Variants in MST1 observed in about 807,000 individuals in gnomAD.
MST1 encodes hepatocyte growth factor-like protein.
MST1 carries 76 observed loss-of-function variants against 100.1 expected under a neutral mutation model. The observed-to-expected ratio is 0.76, with a 90% confidence interval of 0.63 to 0.92. MST1 has a LOEUF of 0.92. Ranked by LOEUF, MST1 falls within the 40% of genes least tolerant of loss-of-function variation. The pLI is 0.00. For synonymous variants in MST1, 352 were observed against 385.4 expected (o/e 0.91, Z 1.01); for missense variants, 850 against 990.0 (o/e 0.86, Z 1.90).
chr3:49,684,300 G>A lies in MST1; in HGVS notation c.2016+14C>T, dbSNP rs1227333516. On this transcript the variant is annotated intron_variant, in intron 17 of 17. Transcript: ENST00000449682. ...CATACCCTTCCAGGGCTGGCCCAGG[G>A]CCCTGCCACCAACCTCACAGGCCCC... 1 of 1,612,772 alleles carries A rather than the reference G, an allele frequency of 6.2e-7. No homozygotes were observed. The highest frequency in any genetic ancestry group is 1.7e-5 in the Admixed American group (1 of 60,018).
In MST1 at chr3:49,687,286, C is replaced by G; in HGVS notation, c.471-1G>C. On this transcript the variant is annotated splice_acceptor_variant, in intron 4 of 17. Coordinates refer to ENST00000449682, the MANE Select transcript of MST1 (RefSeq NM_020998.4). LOFTEE classifies it high-confidence loss of function. ...GCCATTCCGGAGAGTGGGCGTGTAC[C>G]TGAGGGCCCAGAGCATCACTATAGT... The G allele has an allele frequency of 6.2e-7, 1 of 1,613,518 alleles. No individual in the cohort carries two copies. The highest frequency in any genetic ancestry group is 8.5e-7 in the Non-Finnish European group (1 of 1,179,872).
At position 49,687,237 on chromosome 3, in the gene MST1, G is replaced by C; in HGVS notation, c.519C>G (p.Asn173Lys). The C allele has an allele frequency of 6.2e-7, 1 of 1,613,520 alleles. No individual in the cohort carries two copies. The highest frequency in any genetic ancestry group is 8.5e-7 in the Non-Finnish European group (1 of 1,179,878). Reference sequence around the variant, plus strand: ...AAGGACCTCCGGGGTCGCCATCAGGGTTACGGCAGAAGTTCTCTTCCAGGC... The same window carrying C: ...AAGGACCTCCGGGGTCGCCATCAGGCTTACGGCAGAAGTTCTCTTCCAGGC... ...RNGLEENFCR[N>K]PDGDPGGPWC... Residue 173 changes from asparagine to lysine, a missense_variant, in exon 5 of 18, where the codon AAC (asparagine) becomes AAG (lysine). Coordinates refer to ENST00000449682, the MANE Select transcript of MST1 (RefSeq NM_020998.4).
At position 49,684,366 on chromosome 3, in the gene MST1, C is replaced by T. The variant is rs749446082; in HGVS notation, c.1964G>A (p.Arg655Gln). The T allele has an allele frequency of 2.1e-5, 34 of 1,613,178 alleles. No individual in the cohort carries two copies. The highest frequency in any genetic ancestry group is 1.6e-4 in the Middle Eastern group (1 of 6,078). The change falls in exon 17 of 18, where the codon CGG (arginine) becomes CAG (glutamine). Residue 655 changes from arginine (R) to glutamine (Q), a missense_variant. Physicochemically the swap from Arg to Gln is conservative, Grantham distance 43. Transcript: ENST00000449682. The stretch of plus-strand genomic sequence containing the variant: ...TCCCTCAGTGCACATCTCACTCTCC[C>T]GCACACGTCCTCGGTGCTTGATGTT... ...ECNIKHRGRV[R>Q]ESEMCTEGLL... is the part of the protein sequence containing the mutation.
rs748026060 is a variant in MST1, at chr3:49,688,708, C to A, written c.-17G>T. 2.1e-5 allele frequency: 33 copies of A among 1,581,844 alleles called. No homozygotes were observed. The East Asian group carries it at 7.3e-4, about 35-fold the overall frequency. ...CAGCCCCATCCGGGAAGTTGTGAAA[C>A]CTGTCCCTACGGGATTGGGTGGCTC... On this transcript the variant is annotated 5_prime_UTR_variant, in exon 1 of 18. Coordinates refer to ENST00000449682, the MANE Select transcript of MST1 (RefSeq NM_020998.4).
chr3:49,687,256 TC>T lies in MST1; in HGVS notation c.499del (p.Glu167LysfsTer51). The T allele has an allele frequency of 6.2e-7, 1 of 1,613,510 alleles. No homozygotes were observed. The highest frequency in any genetic ancestry group is 2.2e-5 in the East Asian group (1 of 44,884). On this transcript the variant is annotated frameshift_variant, in exon 5 of 18. Transcript: ENST00000449682. LOFTEE classifies it high-confidence loss of function. ...KYTPTLRNGL[E>X]ENFCRNPDGD... ...ATCAGGGTTACGGCAGAAGTTCTCT[TC>T]CAGGCCATTCCGGAGAGTGGGCGTG...
rs1225705497 is a variant in MST1 at position 49,689,455 on chromosome 3, G to C, written c.-764C>G. ...ACAACCCGGTGGGAAGCCATGGAGG[G>C]GGTCCCCTAGCGGAGGCTGGGCGCG... On this transcript the variant is annotated 5_prime_UTR_variant, in exon 1 of 18. Transcript: ENST00000449682. 6.6e-6 allele frequency: 1 copy of C among 152,418 alleles called. No homozygotes were observed. The highest frequency in any genetic ancestry group is 1.5e-5 in the Non-Finnish European group (1 of 68,196). The allele number at this position is 152,418 out of a possible 1,614,324, so 9.4% of individuals were successfully genotyped here.
intron 1 of MST1, 169 bp downstream of exon 1, chr3:49,688,429 G>A: frequency 1.6e-6 from 1 of 613,752 alleles, no homozygotes. Context: ...GGCCTAAGTG[G>A]GCAATGTCTA....
At chr3:49,684,225 A>G in intron 17 of MST1, 36 bp from the exon 18 acceptor site, 1 of 1,609,576 alleles carries the variant, frequency 6.2e-7, no homozygotes, top group Non-Finnish European at 8.5e-7. Flanking sequence ...GCCCCGGGCC[A>G]CAGCAATGAC....
chr3:49,684,936 A>G (rs1418685039), intron 14 of MST1, 52 bp from the exon 15 acceptor site: 2 of 1,613,586 alleles, frequency 1.2e-6, no homozygotes, highest in Non-Finnish European at 1.7e-6. Context: ...CATTGCCCCA[A>G]GGCTCACTTG....
chr3:49,686,297 C>CCCA lies in MST1; in HGVS notation c.1016+15_1016+16insTGG. The CCCA allele has an allele frequency of 7.5e-7, 1 of 1,339,562 alleles. No individual in the cohort carries two copies. Among genetic ancestry groups the CCCA allele is most frequent in the Non-Finnish European group, 1.0e-6 (1 of 988,170 alleles). The allele number at this position is 1,339,562 out of a possible 1,614,324, so 83.0% of individuals were successfully genotyped here. ...CAGCAGCACGTCCCAACGCCCGCCC[C>CCCA]CCCCCCCCACCTCACTTGCACGCGT... On this transcript the variant is annotated intron_variant, in intron 8 of 17. Coordinates refer to ENST00000449682, the MANE Select transcript of MST1 (RefSeq NM_020998.4).
At chr3:49,685,423 G>A (rs2053634074) in intron 12 of MST1, 41 bp from the exon 13 acceptor site, 1 of 1,613,612 alleles carries the variant, frequency 6.2e-7, no homozygotes, top group Non-Finnish European at 8.5e-7. Context: ...AGACTGTGTG[G>A]ATGTCGTGGG....
In MST1 at chr3:49,687,409, C is replaced by G; in HGVS notation, c.425G>C (p.Gly142Ala). The part of the protein sequence containing the change: ...YRGTMATTVG[G>A]LPCQAWSHKF... ...GTGGCTCCAAGCCTGGCAGGGCAGG[C>G]CACCCACGGTCGTGGCCATGGTGCC... The change falls in exon 4 of 18, where the codon GGC becomes GCC. Residue 142 changes from glycine (G) to alanine (A), a missense_variant. This residue lies in a region of MST1 where 816 missense variants were observed against 924.6 expected (regional missense o/e 0.88). Coordinates refer to ENST00000449682, the MANE Select transcript of MST1 (RefSeq NM_020998.4). The G allele has an allele frequency of 2.5e-6, 4 of 1,613,404 alleles. No homozygotes were observed. In the South Asian group the frequency reaches 4.4e-5, roughly 18 times the overall value.
In MST1 at chr3:49,687,231, A is replaced by C. The variant is rs1371603939; in HGVS notation, c.525T>G (p.Asp175Glu). 4 of 1,613,512 alleles carry C rather than the reference A, an allele frequency of 2.5e-6. No individual in the cohort carries two copies. The highest frequency in any genetic ancestry group is 1.1e-5 in the South Asian group (1 of 91,076). Reference protein sequence around the residue: ...GLEENFCRNPDGDPGGPWCYT... With the variant: ...GLEENFCRNPEGDPGGPWCYT... ...AGCACCAAGGACCTCCGGGGTCGCC[A>C]TCAGGGTTACGGCAGAAGTTCTCTT... is the stretch of plus-strand genomic sequence containing the variant. Residue 175 changes from aspartate (D) to glutamate (E), a missense_variant, in exon 5 of 18, where the codon GAT (aspartate) becomes GAG (glutamate). Coordinates refer to ENST00000449682, the MANE Select transcript of MST1 (RefSeq NM_020998.4).
rs1467046759 is a variant in MST1 at position 49,686,479 on chromosome 3, A to G, written c.850T>C (p.Ser284Pro). 7 of 1,611,804 alleles carry G rather than the reference A, an allele frequency of 4.3e-6. No individual in the cohort carries two copies. The highest frequency in any genetic ancestry group is 1.7e-5 in the Admixed American group (1 of 59,976). The change falls in exon 8 of 18, where the codon TCC (serine) becomes CCC (proline). Residue 284 changes from serine (S) to proline (P), a missense_variant and splice_region_variant. Transcript: ENST00000449682. ...REFCDLPRCGSEAQPRQEATT... is the reference protein window; with the variant it reads ...REFCDLPRCGPEAQPRQEATT... ...GCCTCTTGGCGGGGCTGTGCCTCGG[A>G]CCCTTAGATGGACCGAGATAGGTCG...
Position 49,684,616 on chromosome 3 carries a change from G to A in MST1, c.1810C>T (p.Pro604Ser). 1.2e-6 allele frequency: 2 copies of A among 1,613,792 alleles called. No individual in the cohort carries two copies. The highest frequency in any genetic ancestry group is 2.7e-5 in the African/African-American group (2 of 75,054). ...LNQRVALICL[P>S]PEWYVVPPGT... is the part of the protein sequence containing the mutation. Reference sequence around the variant, plus strand: ...GGAGGCACCACATACCATTCAGGGGGCAGGCAGATCAGGGCCACACGCTGG... The same window carrying A: ...GGAGGCACCACATACCATTCAGGGGACAGGCAGATCAGGGCCACACGCTGG... The change falls in exon 16 of 18, where the codon CCC becomes TCC. Residue 604 changes from proline (P) to serine (S), a missense_variant. Transcript: ENST00000449682.
Position 49,687,351 on chromosome 3 carries a change from G to T in MST1, c.470+13C>A. 2 of 1,613,502 alleles carry T rather than the reference G, an allele frequency of 1.2e-6. No homozygotes were observed. The highest frequency in any genetic ancestry group is 2.2e-5 in the South Asian group (2 of 91,078). On this transcript the variant is annotated intron_variant, in intron 4 of 17. Coordinates refer to ENST00000449682, the MANE Select transcript of MST1 (RefSeq NM_020998.4). The stretch of plus-strand genomic sequence containing the variant: ...GGCCCCAGGCCGGGACGGAGGGAAG[G>T]TGTTTGTCTCACTTGTGATCATTTG...
Position 49,686,381 on chromosome 3 carries a change from T to C in MST1, c.948A>G (p.Val316=), listed in dbSNP as rs768878247. The C allele has an allele frequency of 9.4e-6, 15 of 1,602,340 alleles. No homozygotes were observed. The highest frequency in any genetic ancestry group is 1.3e-5 in the Non-Finnish European group (15 of 1,176,926). ...RGTANTTTAG[V]PCQRWDAQIP... ...TTTGCGCGTCCCAACGCTGGCAAGG[T>C]ACGCCCGCAGTGGTGGTATTGGCTG... is the stretch of plus-strand genomic sequence containing the variant. Residue 316 remains valine (V), a synonymous_variant, in exon 8 of 18, where the codon GTA becomes GTG. Coordinates refer to ENST00000449682, the MANE Select transcript of MST1 (RefSeq NM_020998.4).
At position 49,686,091 on chromosome 3, in the gene MST1, C is replaced by T. The variant is rs1575497175; in HGVS notation, c.1118G>A (p.Arg373Gln). 1 of 1,610,842 alleles carries T rather than the reference C, an allele frequency of 6.2e-7. No individual in the cohort carries two copies. The highest frequency in any genetic ancestry group is 1.1e-5 in the South Asian group (1 of 90,892). Residue 373 changes from arginine (R) to glutamine (Q), a missense_variant, in exon 9 of 18, where the codon CGG becomes CAG. Physicochemically the swap from Arg to Gln is conservative, Grantham distance 43 (BLOSUM62 1). Around this residue, in one of 2 missense-constraint regions of MST1, gnomAD observed 816 missense variants for 924.6 expected, o/e 0.88. Coordinates refer to ENST00000449682, the MANE Select transcript of MST1 (RefSeq NM_020998.4). ...GMRAAFCYQI[R>Q]RCTDDVRPQD... is the part of the protein sequence containing the mutation. ...GGGCCGCACGTCGTCTGTACAACGCCGGATCTGGTAGCAAAAGGCCGCGCG... is the reference window on the plus strand; with the variant it reads ...GGGCCGCACGTCGTCTGTACAACGCTGGATCTGGTAGCAAAAGGCCGCGCG...
At chr3:49,684,515 C>T (rs753044974) in intron 16 of MST1, 35 bp downstream of exon 16, 1 of 1,613,590 alleles carries the variant, frequency 6.2e-7, no homozygotes, top group Non-Finnish European at 8.5e-7. Context: ...GCTGGGCCTC[C>T]TGGCCACCAG....
Sources: allele counts gnomAD v4.1 joint callset, GRCh38; gene constraint gnomAD v4.1.1; regional missense constraint gnomAD v4.1.1; transcripts MANE v1.5; gene names NCBI Gene and HGNC (gene_info 2026-07-23, HGNC 2026-07-21).